CDK14: variants seen among roughly 807,000 people sequenced by gnomAD.
CDK14 encodes cyclin dependent kinase 14, also known as cyclin-dependent kinase 14.
In CDK14, 34 loss-of-function variants were observed where a neutral mutation model predicts 60.7. That is an observed-to-expected ratio of 0.56 (90% CI 0.43 to 0.75). The LOEUF (loss-of-function observed/expected upper bound fraction) is 0.75, where lower values mean the gene tolerates loss of function less well. CDK14 is among the 30% of genes least tolerant of loss of function. The pLI is 0.00. For missense variants in CDK14, 482 were observed against 564.1 expected (o/e 0.85, Z 1.47); for synonymous variants, 197 against 203.7 (o/e 0.97, Z 0.28).
At chr7:91,056,367 G>A (rs916117655) in intron 11 of CDK14, among the ~76,000 whole-genome samples, 13 of 150,138 alleles carry the variant, frequency 8.7e-5, no homozygotes, top group African/African-American at 3.2e-4. Flanking sequence ...CATGGTGTTC[G>A]GTAATCTGAA....
rs201722494 is a variant in CDK14, at chr7:91,061,147, A to ATT, written c.1105+15189_1105+15190dup. On this transcript the variant is annotated intron_variant, in intron 11 of 14. Transcript: ENST00000380050. ...CTTCTCTTCTTGCCTCATTTCATTC[A>ATT]TTTGATCTTCAGTCACTGATACCCT... Among the ~76,000 whole-genome samples the ATT allele has an allele frequency of 7.0e-3, 1,067 of 152,194 alleles. 18 individuals are homozygous for ATT. The highest frequency in any genetic ancestry group is 0.066 in the South Asian group (320 of 4,816).
intron 5 of CDK14, among the ~76,000 whole-genome samples, chr7:90,831,922 C>T (rs994407036): frequency 3.3e-5 from 5 of 152,028 alleles, no homozygotes; most frequent in Non-Finnish European, 5.9e-5. Context: ...ATGAGGTTCC[C>T]CCTCAGAACC....
At chr7:91,101,693 C>T (rs1400171194) in intron 12 of CDK14, among the ~76,000 whole-genome samples, 1 of 152,094 alleles carries the variant, frequency 6.6e-6, no homozygotes, top group Non-Finnish European at 1.5e-5. Context: ...TTGCACAGCC[C>T]AGCACCTGGG....
At chr7:90,971,714 A>G (rs1422537397) in intron 9 of CDK14, among the ~76,000 whole-genome samples, 3 of 152,006 alleles carry the variant, frequency 2.0e-5, no homozygotes, top group Admixed American at 1.3e-4. Context: ...GGATCTGGTA[A>G]CTGGACCAGA....
chr7:91,073,453 G>A (rs1209419548), intron 11 of CDK14, among the ~76,000 whole-genome samples: 3 of 152,132 alleles, frequency 2.0e-5, no homozygotes, highest in East Asian at 3.8e-4. Flanking sequence ...AGCAAATGCT[G>A]AGGGATTTTT....
chr7:90,736,344 G>GCTTTTTT lies in CDK14; in HGVS notation c.369+9532_369+9533insCTTTTTT, dbSNP rs1563063351. ...GTGATAAGAAGGGGTACTTTATTAT[G>GCTTTTTT]TTTTTGTTTTTTTTTTTTTTTTTTT... On this transcript the variant is annotated intron_variant, in intron 3 of 14. Transcript: ENST00000380050. Among the ~76,000 whole-genome samples the GCTTTTTT allele has an allele frequency of 2.0e-4, 8 of 41,004 alleles. 1 individual carries two copies. Among genetic ancestry groups the GCTTTTTT allele is most frequent in the African/African-American group, 2.7e-4 (3 of 11,156 alleles). The allele number at this position is 41,004 out of a possible 152,430, so 26.9% of individuals were successfully genotyped here.
chr7:90,811,690 A>G (rs1789122879), intron 5 of CDK14, among the ~76,000 whole-genome samples: 1 of 151,870 alleles, frequency 6.6e-6, no homozygotes, highest in East Asian at 1.9e-4. Context: ...AACCTACAGA[A>G]TGGGAGAAAA....
rs1290264493 is a variant in CDK14, at chr7:91,182,632, C to A, written c.*29-24533C>A. Reference sequence around the variant, plus strand: ...CTTTATAATATAAGCAAGTACGTATCTATATTTATGAACTCCCCTCTCTTA... The same window carrying A: ...CTTTATAATATAAGCAAGTACGTATATATATTTATGAACTCCCCTCTCTTA... On this transcript the variant is annotated intron_variant, in intron 14 of 14. Transcript: ENST00000380050. Among the ~76,000 whole-genome samples the A allele has an allele frequency of 3.9e-5, 6 of 152,018 alleles. No individual in the cohort carries two copies. In the East Asian group the frequency reaches 1.2e-3, roughly 29 times the overall value.
intron 2 of CDK14, among the ~76,000 whole-genome samples, chr7:90,628,422 A>G (rs1563021225): frequency 6.6e-6 from 1 of 152,214 alleles, no homozygotes; most frequent in Non-Finnish European, 1.5e-5. Context: ...TCTTAAATGT[A>G]GATGGCTATG....
At chr7:91,031,573 G>A (rs1796759547) in intron 10 of CDK14, among the ~76,000 whole-genome samples, 1 of 152,166 alleles carries the variant, frequency 6.6e-6, no homozygotes, top group South Asian at 2.1e-4. Flanking sequence ...TACTTCACTT[G>A]GGGGAGGTCA....
In CDK14 at chr7:90,638,923, C is replaced by A. The variant is rs902197055; in HGVS notation, c.123+34674C>A. ...TACCCTTTCTTCCAGTTGATCGCAT[C>A]GGCTCCTGAGGCTTCTGCATTCTTC... On this transcript the variant is annotated intron_variant, in intron 2 of 14. Transcript: ENST00000380050. Among the ~76,000 whole-genome samples the A allele has an allele frequency of 3.3e-5, 5 of 152,122 alleles. No homozygotes were observed. The East Asian group carries it at 9.7e-4, about 29-fold the overall frequency.
At chr7:90,941,377 G>C (rs1793927433) in intron 8 of CDK14, among the ~76,000 whole-genome samples, 1 of 152,154 alleles carries the variant, frequency 6.6e-6, no homozygotes, top group African/African-American at 2.4e-5. Context: ...ACTTCCCCTA[G>C]ATTTCTTTAT....
chr7:90,647,669 G>A (rs1182471139), intron 2 of CDK14, among the ~76,000 whole-genome samples: 1 of 152,148 alleles, frequency 6.6e-6, no homozygotes, highest in Non-Finnish European at 1.5e-5. Context: ...AGATAGGGAA[G>A]GTGGGAGCAG....
At chr7:90,870,409 G>A (rs1791334277) in intron 6 of CDK14, among the ~76,000 whole-genome samples, 1 of 152,136 alleles carries the variant, frequency 6.6e-6, no homozygotes, top group Admixed American at 6.5e-5. Flanking sequence ...TTAACACCTA[G>A]GTGATGAAAT....
Position 91,152,786 on chromosome 7 carries a change from T to A in CDK14, c.*28+34578T>A, listed in dbSNP as rs150691651. Reference sequence around the variant, plus strand: ...GGAGACAGAGAAGAGCAACTCAGGTTAGCATGTCAGCATTAAAACTCTAGC... The same window carrying A: ...GGAGACAGAGAAGAGCAACTCAGGTAAGCATGTCAGCATTAAAACTCTAGC... On this transcript the variant is annotated intron_variant, in intron 14 of 14. Coordinates refer to ENST00000380050, the MANE Select transcript of CDK14 (RefSeq NM_001287135.2). Among the ~76,000 whole-genome samples the A allele has an allele frequency of 1.6e-3, 242 of 152,282 alleles. 1 individual carries two copies. Among genetic ancestry groups the A allele is most frequent in the Non-Finnish European group, 2.6e-3 (178 of 68,018 alleles).
intron 10 of CDK14, among the ~76,000 whole-genome samples, chr7:91,014,668 A>G (rs139422158): frequency 6.6e-6 from 1 of 152,322 alleles, no homozygotes; most frequent in Non-Finnish European, 1.5e-5. Flanking sequence ...CAGCCATACC[A>G]TGGGTTCATT....
Position 90,596,485 on chromosome 7 carries a change from C to G in CDK14, c.-143C>G, listed in dbSNP as rs1345359214. Reference sequence around the variant, plus strand: ...CCTCCGCCTGCCTGCTGCTCGCCTCCCTAGACCTGCGCGTCGCTTCCCGGC... The same window carrying G: ...CCTCCGCCTGCCTGCTGCTCGCCTCGCTAGACCTGCGCGTCGCTTCCCGGC... On this transcript the variant is annotated 5_prime_UTR_variant, in exon 1 of 15. Coordinates refer to ENST00000380050, the MANE Select transcript of CDK14 (RefSeq NM_001287135.2). The G allele has an allele frequency of 3.0e-6, 2 of 659,790 alleles. No individual in the cohort carries two copies. The highest frequency in any genetic ancestry group is 5.6e-5 in the East Asian group (2 of 35,656). The allele number at this position is 659,790 out of a possible 1,614,324, so 40.9% of individuals were successfully genotyped here. A position where few individuals can be genotyped will look rare whatever the true frequency, so the allele number is the denominator to read the frequency against.
chr7:91,052,367 C>T (rs1052775734), intron 11 of CDK14, among the ~76,000 whole-genome samples: 1 of 152,328 alleles, frequency 6.6e-6, no homozygotes, highest in Middle Eastern at 3.4e-3. Context: ...TAGCATTCTA[C>T]TGAATGTGTA....
chr7:90,782,020 TTC>T (rs1805349957), intron 4 of CDK14, among the ~76,000 whole-genome samples: 2 of 152,222 alleles, frequency 1.3e-5, no homozygotes, highest in Non-Finnish European at 2.9e-5. Flanking sequence ...TATGGCCATT[TTC>T]ACGATATTGA....
Sources: allele counts gnomAD v4.1 joint callset (sites outside exome capture counted in the v4.1 genomes callset), GRCh38; gene constraint gnomAD v4.1.1; transcripts MANE v1.5; gene names NCBI Gene and HGNC (gene_info 2026-07-23, HGNC 2026-07-21).